PIP4K2A: variants seen among roughly 807,000 people sequenced by gnomAD.
The protein encoded by PIP4K2A is phosphatidylinositol 5-phosphate 4-kinase type-2 alpha.
In PIP4K2A, 14 loss-of-function variants were observed where a neutral mutation model predicts 42.9. The ratio of observed to expected loss-of-function variants is 0.33; its 90% CI spans 0.22 to 0.51. PIP4K2A has a LOEUF of 0.51. Ranked by LOEUF, PIP4K2A falls within the 20% of genes least tolerant of loss-of-function variation. PIP4K2A has a pLI of 0.97. For missense variants in PIP4K2A, 434 were observed against 519.8 expected (o/e 0.83, Z 1.61); for synonymous variants, 192 against 192.2 (o/e 1.00, Z 0.01).
At chr10:22,618,761 T>A (rs750122472) in intron 1 of PIP4K2A, among the ~76,000 whole-genome samples, 1 of 152,112 alleles carries the variant, frequency 6.6e-6, no homozygotes, top group Non-Finnish European at 1.5e-5. Flanking sequence ...AGGAACACAG[T>A]AGTAGGCTGC....
At chr10:22,672,342 C>G (rs1221212390) in intron 1 of PIP4K2A, among the ~76,000 whole-genome samples, 1 of 152,096 alleles carries the variant, frequency 6.6e-6, no homozygotes, top group Non-Finnish European at 1.5e-5. Flanking sequence ...ATGCACTGTC[C>G]TTGAACAATG....
chr10:22,561,904 G>C lies in PIP4K2A; in HGVS notation c.678+5947C>G, dbSNP rs560536558. Among the ~76,000 whole-genome samples, 176 of 152,108 alleles carry C rather than the reference G, an allele frequency of 1.2e-3. 3 individuals are homozygous for C. The South Asian group carries it at 0.035, about 30-fold the overall frequency. On this transcript the variant is annotated intron_variant, in intron 6 of 9. Coordinates refer to ENST00000376573, the MANE Select transcript of PIP4K2A (RefSeq NM_005028.5). ...GTTCTTTGTACCATAACGATCATTTGGAAAGGAATATAGTTATATATAATA... is the reference window on the plus strand; with the variant it reads ...GTTCTTTGTACCATAACGATCATTTCGAAAGGAATATAGTTATATATAATA...
chr10:22,553,319 G>T (rs1205369814), intron 6 of PIP4K2A, among the ~76,000 whole-genome samples: 1 of 152,152 alleles, frequency 6.6e-6, no homozygotes, highest in Non-Finnish European at 1.5e-5. Flanking sequence ...GGGCACGAAG[G>T]TTTTGGGGTC....
At chr10:22,683,788 TC>T (rs765401662) in intron 1 of PIP4K2A, among the ~76,000 whole-genome samples, 9 of 150,428 alleles carry the variant, frequency 6.0e-5, no homozygotes, top group African/African-American at 9.8e-5. Flanking sequence ...CAGTCGCCCC[TC>T]CCTTAGCCTT....
chr10:22,563,152 T>C (rs1172563897), intron 6 of PIP4K2A, among the ~76,000 whole-genome samples: 1 of 152,206 alleles, frequency 6.6e-6, no homozygotes, highest in Non-Finnish European at 1.5e-5. Flanking sequence ...AGCTATTTCC[T>C]TTTCCCCTTC....
chr10:22,601,145 AAAAAAAAAAAAAAAAAAAC>A (rs1225448106), intron 3 of PIP4K2A, among the ~76,000 whole-genome samples: 42 of 133,260 alleles, frequency 3.2e-4, no homozygotes, highest in Non-Finnish European at 4.9e-4. Flanking sequence ...AAAAAAAAAA[AAAAAAAAAAAAAAAAAAAC>A]AAACCAGGAA....
intron 1 of PIP4K2A, among the ~76,000 whole-genome samples, chr10:22,637,086 T>C (rs1031397366): frequency 2.0e-5 from 3 of 152,208 alleles, no homozygotes; most frequent in African/African-American, 7.2e-5. Flanking sequence ...ATTTTAAAGA[T>C]GGAGGCAATG....
In PIP4K2A at chr10:22,714,565, C is replaced by G. The variant is rs1011763421; in HGVS notation, c.-239G>C. The G allele has an allele frequency of 2.7e-5, 4 of 147,352 alleles. No homozygotes were observed. Among genetic ancestry groups the G allele is most frequent in the Non-Finnish European group, 6.0e-5 (4 of 66,712 alleles). 9.1% of individuals were successfully genotyped at this position (147,352 alleles called of 1,614,324 possible). A position where few individuals can be genotyped will look rare whatever the true frequency, so the allele number is the denominator to read the frequency against. On this transcript the variant is annotated 5_prime_UTR_variant, in exon 1 of 10. Coordinates refer to ENST00000376573, the MANE Select transcript of PIP4K2A (RefSeq NM_005028.5). ...ATCCTGCGCCCGCCGCGGATCCGCG[C>G]TCAGCCCGCGGCTGGACCCGGCGCG...
intron 4 of PIP4K2A, among the ~76,000 whole-genome samples, chr10:22,589,341 G>T (rs1837462234): frequency 6.6e-6 from 1 of 152,204 alleles, no homozygotes; most frequent in Non-Finnish European, 1.5e-5. Context: ...AATTCATTCA[G>T]ATAACAGAGC....
intron 9 of PIP4K2A, 85 bp downstream of exon 9, chr10:22,539,886 G>GGGGAGAGA (rs1390963717): frequency 1.4e-5 from 10 of 699,590 alleles, no homozygotes; most frequent in Middle Eastern, 3.1e-4. Context: ...AGAGGAGCCA[G>GGGGAGAGA]GAGAGAGAGA....
intron 2 of PIP4K2A, among the ~76,000 whole-genome samples, chr10:22,608,692 T>C (rs552879860): frequency 6.1e-4 from 93 of 152,210 alleles, no homozygotes; most frequent in Non-Finnish European, 1.2e-3. Context: ...GGGAACATAG[T>C]GAGACCCCTG....
At chr10:22,632,495 G>A (rs974506309) in intron 1 of PIP4K2A, among the ~76,000 whole-genome samples, 1 of 152,068 alleles carries the variant, frequency 6.6e-6, no homozygotes, top group African/African-American at 2.4e-5. Flanking sequence ...TGACAAGTTG[G>A]TGTTAGCTGG....
rs1483836098 is a variant in PIP4K2A, at chr10:22,607,957, C to G, written c.309G>C (p.Glu103Asp). 1.2e-6 allele frequency: 2 copies of G among 1,613,216 alleles called. No individual in the cohort carries two copies. The highest frequency in any genetic ancestry group is 1.3e-5 in the African/African-American group (1 of 74,926). The change falls in exon 3 of 10, where the codon GAG becomes GAC. Residue 103 changes from glutamate to aspartate, a missense_variant. Coordinates refer to ENST00000376573, the MANE Select transcript of PIP4K2A (RefSeq NM_005028.5). ...YCPMVFRNLR[E>D]RFGIDDQDFQ... ...AATCTTGATCATCAATTCCAAACCT[C>G]TCCCGCAGGTTACGGAAGACCATCG...
In PIP4K2A at chr10:22,536,652, TATTATAATAATCATC is replaced by T. The variant is rs1311803605; in HGVS notation, c.*534_*548del. 1 of 147,774 alleles carries T rather than the reference TATTATAATAATCATC, an allele frequency of 6.8e-6. No homozygotes were observed. The highest frequency in any genetic ancestry group is 1.5e-5 in the Non-Finnish European group (1 of 67,320). 9.2% of individuals were successfully genotyped at this position (147,774 alleles called of 1,614,324 possible). A position where few individuals can be genotyped will look rare whatever the true frequency, so the allele number is the denominator to read the frequency against. ...GTTTTTTCCTTGGAATCATCATCAT[TATTATAATAATCATC>T]ATTATTATCTTCATTATTCTGAATA... On this transcript the variant is annotated 3_prime_UTR_variant, in exon 10 of 10. Coordinates refer to ENST00000376573, the MANE Select transcript of PIP4K2A (RefSeq NM_005028.5).
intron 1 of PIP4K2A, among the ~76,000 whole-genome samples, chr10:22,678,478 G>A (rs910813054): frequency 6.6e-6 from 1 of 151,908 alleles, no homozygotes; most frequent in African/African-American, 2.4e-5. Flanking sequence ...GTTCTATGGG[G>A]AAAAGTCTGT....
chr10:22,664,076 CGTATATAT>C (rs1839268720), intron 1 of PIP4K2A, among the ~76,000 whole-genome samples: 1 of 54,852 alleles, frequency 1.8e-5, no homozygotes, highest in African/African-American at 1.8e-4. Flanking sequence ...TATATATATA[CGTATATAT>C]ATATACATAT....
intron 1 of PIP4K2A, among the ~76,000 whole-genome samples, chr10:22,614,138 A>T (rs1191644480): frequency 6.6e-6 from 1 of 152,184 alleles, no homozygotes; most frequent in Non-Finnish European, 1.5e-5. Context: ...GTGTCATTTA[A>T]ATGTCAGGGA....
chr10:22,592,994 T>G (rs898979742), intron 3 of PIP4K2A, among the ~76,000 whole-genome samples: 1 of 152,238 alleles, frequency 6.6e-6, no homozygotes, highest in Non-Finnish European at 1.5e-5. Flanking sequence ...GCTCTGCCCA[T>G]GAATTTGCAA....
At chr10:22,566,373 C>T (rs576150875) in intron 6 of PIP4K2A, among the ~76,000 whole-genome samples, 45 of 152,278 alleles carry the variant, frequency 3.0e-4, no homozygotes, top group African/African-American at 9.6e-4. Flanking sequence ...CAAACTCCTC[C>T]TCCTGCTCTT....
Sources: allele counts gnomAD v4.1 joint callset (sites outside exome capture counted in the v4.1 genomes callset), GRCh38; gene constraint gnomAD v4.1.1; transcripts MANE v1.5; gene names NCBI Gene and HGNC (gene_info 2026-07-23, HGNC 2026-07-21).